OR7D2: variants seen among roughly 807,000 people sequenced by gnomAD.
OR7D2 encodes olfactory receptor 7D2.
For synonymous variants in OR7D2, 158 were observed against 158.7 expected (o/e 1.00, Z 0.03); for missense variants, 370 against 384.1 (o/e 0.96, Z 0.31).
Position 9,186,232 on chromosome 19 carries a change from A to G in OR7D2, c.451A>G (p.Ile151Val). Residue 151 changes from isoleucine to valine, a missense_variant, in exon 3 of 3, where the codon ATT becomes GTT. Transcript: ENST00000641288. ...CCTCCTGGTTTTTGTCACCTGGCTC[A>G]TTGGTGTCATGACATCCCTCCTCCA... Reference protein sequence around the residue: ...CGLLVFVTWLIGVMTSLLHIS... With the variant: ...CGLLVFVTWLVGVMTSLLHIS... 2 of 1,614,084 alleles carry G rather than the reference A, an allele frequency of 1.2e-6. No individual in the cohort carries two copies. The highest frequency in any genetic ancestry group is 8.5e-7 in the Non-Finnish European group (1 of 1,179,984).
rs1407549349 is a variant in OR7D2, at chr19:9,188,251, C to G, written c.*1531C>G. 6.6e-6 allele frequency: 1 copy of G among 152,174 alleles called. No homozygotes were observed. Among genetic ancestry groups the G allele is most frequent in the Admixed American group, 6.6e-5 (1 of 15,248 alleles). 9.4% of individuals were successfully genotyped at this position (152,174 alleles called of 1,614,324 possible). ...GGACTACAGGCACCTGCCACCCCAC[C>G]CAGCTAATTCTTCTATTTTTAGTAG... is the stretch of plus-strand genomic sequence containing the variant. On this transcript the variant is annotated 3_prime_UTR_variant, in exon 3 of 3. Coordinates refer to ENST00000641288, the MANE Select transcript of OR7D2 (RefSeq NM_175883.4).
intron 2 of OR7D2, among the ~76,000 whole-genome samples, chr19:9,181,402 A>T (rs983111252): frequency 1.9e-4 from 27 of 143,818 alleles, no homozygotes; most frequent in Middle Eastern, 3.4e-3. Context: ...CATTTGATTG[A>T]TATGTCTTTT....
chr19:9,179,455 G>T (rs1269053088), intron 1 of OR7D2, among the ~76,000 whole-genome samples: 2 of 151,718 alleles, frequency 1.3e-5, no homozygotes, highest in East Asian at 1.9e-4. Flanking sequence ...CAGGAGAATG[G>T]CTTGAACCCG....
rs1479227461 is a variant in OR7D2, at chr19:9,187,438, A to G, written c.*718A>G. ...ATGGCTGAGTAGTACTCCATTGTAT[A>G]TATCCTCGATATCTATATAGATATA... On this transcript the variant is annotated 3_prime_UTR_variant, in exon 3 of 3. Transcript: ENST00000641288. The G allele has an allele frequency of 6.0e-6, 1 of 165,636 alleles. No individual in the cohort carries two copies. Among genetic ancestry groups the G allele is most frequent in the Non-Finnish European group, 1.5e-5 (1 of 68,108 alleles). The allele number at this position is 165,636 out of a possible 1,614,324, so 10.3% of individuals were successfully genotyped here.
intron 1 of OR7D2, among the ~76,000 whole-genome samples, chr19:9,180,222 G>T (rs1395143567): frequency 6.6e-6 from 1 of 150,854 alleles, no homozygotes; most frequent in East Asian, 1.9e-4. Context: ...TTGAGACAGG[G>T]TCTTTCTGGG....
chr19:9,182,979 A>G (rs1282138876), intron 2 of OR7D2: 1 of 458,880 alleles, frequency 2.2e-6, no homozygotes, highest in African/African-American at 2.0e-5. Flanking sequence ...TGGCCATCAG[A>G]TAATATCAAT....
In OR7D2 at chr19:9,186,779, A is replaced by C. The variant is rs987254447; in HGVS notation, c.*59A>C. ...TGAGCACCAATGGCAAAAATGTTTT[A>C]TTTTGAAATTCTTACTCTTTAAAAT... On this transcript the variant is annotated 3_prime_UTR_variant, in exon 3 of 3. Coordinates refer to ENST00000641288, the MANE Select transcript of OR7D2 (RefSeq NM_175883.4). 5 of 1,168,208 alleles carry C rather than the reference A, an allele frequency of 4.3e-6. No individual in the cohort carries two copies. Among genetic ancestry groups the C allele is most frequent in the Non-Finnish European group, 6.0e-6 (5 of 827,032 alleles). 72.4% of individuals were successfully genotyped at this position (1,168,208 alleles called of 1,614,324 possible).
chr19:9,186,626 C>A lies in OR7D2; in HGVS notation c.845C>A (p.Thr282Asn). 3 of 1,613,984 alleles carry A rather than the reference C, an allele frequency of 1.9e-6. No homozygotes were observed. The highest frequency in any genetic ancestry group is 3.3e-4 in the Middle Eastern group (2 of 6,062). ...GCCTCGGTGATGTACACTGTGGTCA[C>A]CCCCATGTTGAACCCCTTCATCTAC... ...SVASVMYTVV[T>N]PMLNPFIYSL... Residue 282 changes from threonine (T) to asparagine (N), a missense_variant, in exon 3 of 3, where the codon ACC becomes AAC. Coordinates refer to ENST00000641288, the MANE Select transcript of OR7D2 (RefSeq NM_175883.4).
chr19:9,182,401 C>A, intron 2 of OR7D2: 1 of 309,994 alleles, frequency 3.2e-6, no homozygotes, highest in South Asian at 7.0e-5. Flanking sequence ...ATCAGCAGTT[C>A]TAGTGCAATT....
chr19:9,180,186 T>C (rs2050980154), intron 1 of OR7D2, among the ~76,000 whole-genome samples: 1 of 149,082 alleles, frequency 6.7e-6, no homozygotes, highest in African/African-American at 2.4e-5. Context: ...TGTAATTAAT[T>C]GTGTTTAAGT....
chr19:9,186,259 A>G lies in OR7D2; in HGVS notation c.478A>G (p.Ile160Val), dbSNP rs934328964. 3.7e-6 allele frequency: 6 copies of G among 1,613,476 alleles called. No homozygotes were observed. Among genetic ancestry groups the G allele is most frequent in the East Asian group, 2.2e-5 (1 of 44,844 alleles). The change falls in exon 3 of 3, where the codon ATT becomes GTT. Residue 160 changes from isoleucine to valine, a missense_variant. Physicochemically the swap from Ile to Val is conservative, Grantham distance 29. Transcript: ENST00000641288. ...LIGVMTSLLH[I>V]SLMMHLIFCK... Reference sequence around the variant, plus strand: ...TGGTGTCATGACATCCCTCCTCCATATTTCTCTGATGATGCATCTAATCTT... The same window carrying G: ...TGGTGTCATGACATCCCTCCTCCATGTTTCTCTGATGATGCATCTAATCTT...
chr19:9,180,538 G>A (rs1409753310), intron 1 of OR7D2, among the ~76,000 whole-genome samples, 160 bp from the exon 2 acceptor site: 1 of 152,018 alleles, frequency 6.6e-6, no homozygotes, highest in Non-Finnish European at 1.5e-5. Context: ...TACACTCTTA[G>A]GATAAATATT....
intron 1 of OR7D2, among the ~76,000 whole-genome samples, chr19:9,180,277 T>A (rs1034964452): frequency 3.9e-5 from 6 of 152,126 alleles, no homozygotes; most frequent in Admixed American, 1.3e-4. Flanking sequence ...GCTAATTTTT[T>A]AAAAATCTAT....
Position 9,186,043 on chromosome 19 carries a change from G to T in OR7D2, c.262G>T (p.Glu88Ter). 1 of 1,614,026 alleles carries T rather than the reference G, an allele frequency of 6.2e-7. No individual in the cohort carries two copies. The highest frequency in any genetic ancestry group is 8.5e-7 in the Non-Finnish European group (1 of 1,180,000). ...CAAGATGCTGGTGAACATCCAGACC[G>T]AGAACAAAGCCATCTCCTACATGGA... ...VPKMLVNIQT[E>*]NKAISYMDCL... Residue 88 changes from glutamate (E) to a stop codon, truncating the protein, a stop_gained, in exon 3 of 3, where the codon GAG (glutamate) becomes TAG (stop). Coordinates refer to ENST00000641288, the MANE Select transcript of OR7D2 (RefSeq NM_175883.4). LOFTEE classifies it low-confidence loss of function (END_TRUNC).
intron 2 of OR7D2, among the ~76,000 whole-genome samples, 197 bp downstream of exon 2, chr19:9,180,985 T>G (rs1487620689): frequency 6.6e-6 from 1 of 151,542 alleles, no homozygotes; most frequent in Non-Finnish European, 1.5e-5. Context: ...ATTAGCCGGG[T>G]GTGGTGGCGA....
chr19:9,183,390 C>A (rs967408690), intron 2 of OR7D2, among the ~76,000 whole-genome samples: 8 of 152,150 alleles, frequency 5.3e-5, no homozygotes, highest in African/African-American at 1.9e-4. Flanking sequence ...ATCCTCCCGC[C>A]TCAGCCTCCT....
At chr19:9,184,655 GTGTC>G (rs1411030389) in intron 2 of OR7D2, among the ~76,000 whole-genome samples, 10 of 152,088 alleles carry the variant, frequency 6.6e-5, no homozygotes, top group Admixed American at 6.6e-4. Flanking sequence ...AACAACCTAA[GTGTC>G]TGCTGATGGA....
chr19:9,183,955 C>CAA lies in OR7D2; in HGVS notation c.-13-1777_-13-1776dup, dbSNP rs755935536. 6.7e-4 allele frequency among the ~76,000 whole-genome samples: 13 copies of CAA among 19,494 alleles called. 3 individuals are homozygous for CAA. The highest frequency in any genetic ancestry group is 1.7e-3 in the Non-Finnish European group (13 of 7,674). 12.8% of individuals were successfully genotyped at this position (19,494 alleles called of 152,430 possible). On this transcript the variant is annotated intron_variant, in intron 2 of 2. Transcript: ENST00000641288. ...CCTGGGCGACAGCAAGACTCCGTCTCAAAAAAAAAAAAAAAAAAAAAAAAA... is the reference window on the plus strand; with the variant it reads ...CCTGGGCGACAGCAAGACTCCGTCTCAAAAAAAAAAAAAAAAAAAAAAAAAAA...
At chr19:9,180,113 T>A in intron 1 of OR7D2, among the ~76,000 whole-genome samples, 1 of 152,166 alleles carries the variant, frequency 6.6e-6, no homozygotes, top group East Asian at 1.9e-4. Flanking sequence ...TGGACTTTTT[T>A]TCCTCTTATT....
Sources: allele counts gnomAD v4.1 joint callset (sites outside exome capture counted in the v4.1 genomes callset), GRCh38; gene constraint gnomAD v4.1.1; transcripts MANE v1.5; gene names NCBI Gene and HGNC (gene_info 2026-07-23, HGNC 2026-07-21).